UQCC1: variants seen among roughly 807,000 people sequenced by gnomAD.
UQCC1 encodes ubiquinol-cytochrome c reductase complex assembly factor 1, also known as bFGF-repressed Zic-binding protein.
In UQCC1, 38 loss-of-function variants were observed where a neutral mutation model predicts 48.0. That is an observed-to-expected ratio of 0.79 (90% confidence interval 0.61 to 1.04). UQCC1 has a LOEUF of 1.04. Ranked by LOEUF, UQCC1 falls within the 50% of genes least tolerant of loss-of-function variation. The probability of loss-of-function intolerance (pLI) is 0.00; values close to 1 mark genes in which losing one functional copy is unlikely to be tolerated. For missense variants in UQCC1, 368 were observed against 381.8 expected (o/e 0.96, Z 0.30); for synonymous variants, 111 against 129.2 (o/e 0.86, Z 0.95).
chr20:35,308,522 G>A (rs866723514), intron 8 of UQCC1, among the ~76,000 whole-genome samples: 8 of 152,234 alleles, frequency 5.3e-5, no homozygotes, highest in African/African-American at 1.7e-4. Flanking sequence ...CTTTAGCAGC[G>A]GGTGAGATGG....
rs772215671 is a variant in UQCC1 at position 35,304,084 on chromosome 20, G to A, written c.766-15C>T. 1 of 1,613,884 alleles carries A rather than the reference G, an allele frequency of 6.2e-7. No homozygotes were observed. The highest frequency in any genetic ancestry group is 8.5e-7 in the Non-Finnish European group (1 of 1,179,834). On this transcript the variant is annotated splice_polypyrimidine_tract_variant and intron_variant, in intron 9 of 9. Coordinates refer to ENST00000374385, the MANE Select transcript of UQCC1 (RefSeq NM_018244.5). Reference sequence around the variant, plus strand: ...AGGTACTGTATCTGCAACCAGGGGAGGGGGAAGGAGGAAGCGACAGAGGCA... The same window carrying A: ...AGGTACTGTATCTGCAACCAGGGGAAGGGGAAGGAGGAAGCGACAGAGGCA...
chr20:35,368,975 T>C (rs2061699704), intron 5 of UQCC1, among the ~76,000 whole-genome samples: 1 of 152,220 alleles, frequency 6.6e-6, no homozygotes, highest in Non-Finnish European at 1.5e-5. Flanking sequence ...TTTTGGATGC[T>C]AGAACAAAAC....
intron 1 of UQCC1, among the ~76,000 whole-genome samples, chr20:35,396,166 G>A (rs139455268): frequency 0.013 from 1,937 of 151,042 alleles, 44 homozygotes; most frequent in African/African-American, 0.045. Context: ...TGTATTTTTA[G>A]TAGAGACAGG....
chr20:35,324,378 G>A (rs987575900), intron 7 of UQCC1, among the ~76,000 whole-genome samples: 1 of 152,080 alleles, frequency 6.6e-6, no homozygotes, highest in Non-Finnish European at 1.5e-5. Flanking sequence ...CCAGGCTGGA[G>A]TGCCGTGGCG....
At chr20:35,338,880 A>AT (rs1568666082) in intron 7 of UQCC1, among the ~76,000 whole-genome samples, 2 of 60,462 alleles carry the variant, frequency 3.3e-5, no homozygotes, top group African/African-American at 4.5e-4. Context: ...AAAAAAAAAA[A>AT]AAAAAAAAAA....
At chr20:35,375,211 T>C (rs2061782573) in intron 4 of UQCC1, among the ~76,000 whole-genome samples, 1 of 152,082 alleles carries the variant, frequency 6.6e-6, no homozygotes, top group South Asian at 2.1e-4. Context: ...GAAAAACCAA[T>C]CTAGAATTTA....
chr20:35,366,720 C>T (rs2061670721), intron 5 of UQCC1, 106 bp from the exon 6 acceptor site: 2 of 957,710 alleles, frequency 2.1e-6, no homozygotes, highest in Non-Finnish European at 3.2e-6. Flanking sequence ...TCTGATTATG[C>T]TATTGCAGAA....
In UQCC1 at chr20:35,404,369, CAAAA is replaced by C. The variant is rs74173950; in HGVS notation, c.24+7567_24+7570del. On this transcript the variant is annotated intron_variant, in intron 1 of 9. Coordinates refer to ENST00000374385, the MANE Select transcript of UQCC1 (RefSeq NM_018244.5). ...TGGGTGACAGAGCGAGACTCCGTCT[CAAAA>C]AAAAAAAAAAAACAAAATTAGCCGG... is the stretch of plus-strand genomic sequence containing the variant. 3.3e-4 allele frequency among the ~76,000 whole-genome samples: 41 copies of C among 124,026 alleles called. 1 individual carries two copies. Among genetic ancestry groups the C allele is most frequent in the Non-Finnish European group, 4.4e-4 (26 of 59,540 alleles). The allele number at this position is 124,026 out of a possible 152,430, so 81.4% of individuals were successfully genotyped here.
intron 1 of UQCC1, among the ~76,000 whole-genome samples, chr20:35,401,045 C>T (rs946374007): frequency 2.6e-5 from 4 of 152,112 alleles, no homozygotes; most frequent in Non-Finnish European, 4.4e-5. Context: ...ACCATAAAAT[C>T]ACCACAAACA....
At chr20:35,325,884 A>C (rs1165086595) in intron 7 of UQCC1, among the ~76,000 whole-genome samples, 5 of 152,152 alleles carry the variant, frequency 3.3e-5, no homozygotes, top group African/African-American at 7.2e-5. Flanking sequence ...CACAAAAAAA[A>C]CAAAAAAACA....
At chr20:35,351,228 T>C (rs774303490) in intron 6 of UQCC1, among the ~76,000 whole-genome samples, 2 of 151,816 alleles carry the variant, frequency 1.3e-5, no homozygotes, top group African/African-American at 4.8e-5. Context: ...CTGTTTCTAC[T>C]AAAAATACAA....
intron 6 of UQCC1, among the ~76,000 whole-genome samples, chr20:35,362,902 A>G (rs1384756061): frequency 6.6e-6 from 1 of 152,070 alleles, no homozygotes; most frequent in East Asian, 1.9e-4. Context: ...AATAGAAAAT[A>G]TCAGGGGTTC....
At chr20:35,392,307 T>C in intron 2 of UQCC1, 2 of 1,303,532 alleles carry the variant, frequency 1.5e-6, no homozygotes, top group Non-Finnish European at 2.0e-6. Context: ...TCCAGTAAGT[T>C]ACAGTCGATA....
intron 2 of UQCC1, among the ~76,000 whole-genome samples, chr20:35,384,340 GA>G (rs2061911846): frequency 6.6e-6 from 1 of 152,138 alleles, no homozygotes; most frequent in East Asian, 1.9e-4. Context: ...TTGAATACCT[GA>G]AGAAATAAAA....
In UQCC1 at chr20:35,394,206, G is replaced by T. The variant is rs2062047250; in HGVS notation, c.25-10C>A. On this transcript the variant is annotated splice_polypyrimidine_tract_variant and intron_variant, in intron 1 of 9. Coordinates refer to ENST00000374385, the MANE Select transcript of UQCC1 (RefSeq NM_018244.5). ...TGCTAGTCTGGTTCCTCTAAAGAAA[G>T]AAAATAATAATCTGTCAGGAATCTA... 4.4e-6 allele frequency: 7 copies of T among 1,607,530 alleles called. No homozygotes were observed. Among genetic ancestry groups the T allele is most frequent in the Non-Finnish European group, 6.0e-6 (7 of 1,174,354 alleles).
chr20:35,322,277 A>G (rs2061139600), intron 7 of UQCC1, among the ~76,000 whole-genome samples: 1 of 152,242 alleles, frequency 6.6e-6, no homozygotes, highest in African/African-American at 2.4e-5. Flanking sequence ...TACTGATAAT[A>G]ATGATGACAG....
intron 7 of UQCC1, among the ~76,000 whole-genome samples, chr20:35,336,414 T>C (rs1394479157): frequency 6.6e-6 from 1 of 152,212 alleles, no homozygotes; most frequent in African/African-American, 2.4e-5. Context: ...GATTACCCAG[T>C]TGAGCCCTAA....
chr20:35,403,135 T>C (rs911462656), intron 1 of UQCC1, among the ~76,000 whole-genome samples: 2 of 152,016 alleles, frequency 1.3e-5, no homozygotes, highest in African/African-American at 4.8e-5. Context: ...CAATCTGAGC[T>C]TTCAAAAGAT....
intron 6 of UQCC1, among the ~76,000 whole-genome samples, chr20:35,347,679 C>T (rs1175482811): frequency 2.6e-5 from 4 of 152,066 alleles, no homozygotes; most frequent in South Asian, 2.1e-4. Flanking sequence ...GTTTTATATC[C>T]GTAAAACTGG....
Sources: allele counts gnomAD v4.1 joint callset (sites outside exome capture counted in the v4.1 genomes callset), GRCh38; gene constraint gnomAD v4.1.1; transcripts MANE v1.5; gene names NCBI Gene and HGNC (gene_info 2026-07-23, HGNC 2026-07-21).